Variants in ACYP2 observed in about 807,000 individuals in gnomAD.
ACYP2 encodes the protein acylphosphatase-2.
ACYP2 carries 12 observed loss-of-function variants against 11.2 expected under a neutral mutation model. The ratio of observed to expected loss-of-function variants is 1.08; its 90% CI spans 0.69 to 1.74. The LOEUF (loss-of-function observed/expected upper bound fraction) is 1.74, where lower values mean the gene tolerates loss of function less well. Among genes scored for constraint, ACYP2 ranks in the 40% most tolerant of loss-of-function variants. The pLI, the probability that ACYP2 is intolerant of heterozygous loss-of-function variation, is 0.00. For synonymous variants in ACYP2, 43 were observed against 32.2 expected (o/e 1.33, Z -1.13); for missense variants, 134 against 101.9 (o/e 1.31, Z -1.35).
chr2:53,975,365 T>C (rs1191064091), intron 2 of ACYP2: 2 of 398,054 alleles, frequency 5.0e-6, no homozygotes, highest in Non-Finnish European at 8.9e-6. Flanking sequence ...TAAAGTTTCA[T>C]GGAGAACACT....
intron 6 of ACYP2, chr2:54,254,704 A>T (rs1687406415): frequency 3.6e-6 from 2 of 552,872 alleles, no homozygotes; most frequent in Non-Finnish European, 3.2e-6. Flanking sequence ...GGAGCATGTG[A>T]TGTTAATGCA....
chr2:53,981,097 C>T (rs1422287631), intron 2 of ACYP2, among the ~76,000 whole-genome samples: 1 of 152,122 alleles, frequency 6.6e-6, no homozygotes, highest in African/African-American at 2.4e-5. Context: ...TACTGCACCT[C>T]TTCTATGTTT....
intron 6 of ACYP2, among the ~76,000 whole-genome samples, chr2:54,232,471 G>A (rs1442052184): frequency 6.6e-6 from 1 of 152,102 alleles, no homozygotes; most frequent in Non-Finnish European, 1.5e-5. Context: ...GCTTAGTTTA[G>A]ACCTACACCC....
At chr2:54,183,897 T>C (rs886282605) in intron 6 of ACYP2, among the ~76,000 whole-genome samples, 2 of 152,180 alleles carry the variant, frequency 1.3e-5, no homozygotes, top group Non-Finnish European at 2.9e-5. Flanking sequence ...AGGTAAAGAA[T>C]TGGTATCACA....
intron 6 of ACYP2, among the ~76,000 whole-genome samples, chr2:54,220,858 CTA>C (rs548499980): frequency 3.9e-5 from 6 of 152,124 alleles, no homozygotes. Context: ...GAATTTGACT[CTA>C]TGTAAAAATG....
chr2:54,241,555 T>G (rs565956970), intron 6 of ACYP2, among the ~76,000 whole-genome samples: 16 of 143,320 alleles, frequency 1.1e-4, no homozygotes, highest in African/African-American at 3.7e-4. Context: ...AGTTTTGCAG[T>G]TTTTTTTTTC....
At chr2:54,266,164 T>C (rs1030295570) in intron 6 of ACYP2, among the ~76,000 whole-genome samples, 2 of 152,220 alleles carry the variant, frequency 1.3e-5, no homozygotes, top group Admixed American at 6.5e-5. Context: ...GGAAACCTCA[T>C]ATACTAGAAC....
At chr2:54,179,311 C>A (rs937771360) in intron 6 of ACYP2, among the ~76,000 whole-genome samples, 1 of 152,122 alleles carries the variant, frequency 6.6e-6, no homozygotes, top group Non-Finnish European at 1.5e-5. Flanking sequence ...GTAGCAGATA[C>A]CAACTGGATA....
intron 6 of ACYP2, among the ~76,000 whole-genome samples, chr2:54,204,529 C>T (rs917808837): frequency 2.0e-5 from 3 of 152,032 alleles, no homozygotes; most frequent in Admixed American, 6.6e-5. Context: ...ATGAAAGGTC[C>T]GATGCCAGTT....
intron 2 of ACYP2, among the ~76,000 whole-genome samples, chr2:54,038,998 A>G (rs576187835): frequency 6.6e-6 from 1 of 151,928 alleles, no homozygotes; most frequent in South Asian, 2.1e-4. Context: ...AGTGAGTCAT[A>G]TCTGGGGGAA....
chr2:53,975,202 C>T (rs566244958), intron 2 of ACYP2: 43 of 385,986 alleles, frequency 1.1e-4, no homozygotes, highest in Non-Finnish European at 1.4e-4. Context: ...TCCAACCTGG[C>T]GACAGAGCGA....
At chr2:54,148,320 A>ATG (rs59295741) in intron 6 of ACYP2, among the ~76,000 whole-genome samples, 45,593 of 151,914 alleles carry the variant, frequency 0.3, 7,565 homozygotes, top group African/African-American at 0.47. Context: ...TCAATGAACA[A>ATG]TCTGTTACAT....
intron 4 of ACYP2, among the ~76,000 whole-genome samples, chr2:54,095,160 C>T (rs1315950044): frequency 6.6e-6 from 1 of 152,068 alleles, no homozygotes; most frequent in Non-Finnish European, 1.5e-5. Context: ...CCATTTAACC[C>T]TGAGTGGACA....
chr2:54,255,823 C>T (rs760321875), intron 6 of ACYP2: 1 of 1,613,998 alleles, frequency 6.2e-7, no homozygotes. Context: ...ATTTTTGAGG[C>T]TGCCGTCAGT....
At chr2:54,176,056 C>G (rs555637783) in intron 6 of ACYP2, among the ~76,000 whole-genome samples, 61 of 152,212 alleles carry the variant, frequency 4.0e-4, no homozygotes, top group African/African-American at 1.4e-3. Flanking sequence ...TCTATTGGTG[C>G]CTCAATCTTG....
intron 4 of ACYP2, among the ~76,000 whole-genome samples, chr2:54,086,077 G>A (rs1051608897): frequency 6.6e-6 from 1 of 152,064 alleles, no homozygotes; most frequent in African/African-American, 2.4e-5. Context: ...CAGAGTAGCT[G>A]GGATTACAGG....
In ACYP2 at chr2:54,200,149, C is replaced by T. The variant is rs112704777; in HGVS notation, c.404+61401C>T. 4.1e-3 allele frequency among the ~76,000 whole-genome samples: 627 copies of T among 152,254 alleles called. 6 individuals are homozygous for T. The highest frequency in any genetic ancestry group is 0.014 in the African/African-American group (586 of 41,550). ...AGATGTGGAGTCAAAAAATCTGAAG[C>T]TGAGTTTGGTATCTCTCAATTGCTA... is the stretch of plus-strand genomic sequence containing the variant. On this transcript the variant is annotated intron_variant, in intron 6 of 6. Coordinates refer to ENST00000607452, the MANE Select transcript of ACYP2 (RefSeq NM_001320586.2).
chr2:53,973,826 G>T, intron 2 of ACYP2: 1 of 262,142 alleles, frequency 3.8e-6, no homozygotes, highest in Non-Finnish European at 7.1e-6. Flanking sequence ...TGGAATAAAA[G>T]GAGGGATTTT....
intron 2 of ACYP2, among the ~76,000 whole-genome samples, chr2:54,022,685 A>G (rs1448265530): frequency 1.5e-4 from 23 of 152,120 alleles, no homozygotes; most frequent in Admixed American, 1.5e-3. Context: ...CCAGGCCCAT[A>G]TTTAAAATTT....
Sources: gnomAD v4.1 joint callset for allele counts (sites outside exome capture counted in the v4.1 genomes callset) on GRCh38, gnomAD v4.1.1 for gene constraint, MANE v1.5 for transcripts, NCBI Gene and HGNC (gene_info 2026-07-23, HGNC 2026-07-21) for gene names.